The following KAT6B variants were observed in gnomAD, a reference collection of about 807,000 sequenced individuals.
The protein encoded by KAT6B is lysine acetyltransferase 6B.
A neutral mutation model predicts 187.5 loss-of-function variants in KAT6B; 10 were observed. The observed-to-expected ratio is 0.05, with a 90% CI of 0.03 to 0.09. The LOEUF (loss-of-function observed/expected upper bound fraction) is 0.09. Ranked by LOEUF, KAT6B falls within the 10% of genes least tolerant of loss-of-function variation. The pLI, the probability that KAT6B is intolerant of heterozygous loss-of-function variation, is 1.00. For synonymous variants in KAT6B, 861 were observed against 926.8 expected (o/e 0.93, Z 1.29); for missense variants, 1,952 against 2,558.9 (o/e 0.76, Z 5.12).
chr10:74,945,275 G>A (rs1316650330), intron 3 of KAT6B, among the ~76,000 whole-genome samples: 1 of 152,132 alleles, frequency 6.6e-6, no homozygotes, highest in African/African-American at 2.4e-5. Context: ...AAAAGAGTAC[G>A]GATTGTATGA....
At chr10:74,854,107 C>G (rs1842668345) in intron 3 of KAT6B, among the ~76,000 whole-genome samples, 1 of 152,208 alleles carries the variant, frequency 6.6e-6, no homozygotes, top group Non-Finnish European at 1.5e-5. Context: ...GTACTTTGAT[C>G]TCTCCAATCT....
intron 4 of KAT6B, among the ~76,000 whole-genome samples, chr10:74,963,704 A>G (rs1259369799): frequency 6.6e-6 from 1 of 152,226 alleles, no homozygotes; most frequent in Non-Finnish European, 1.5e-5. Flanking sequence ...AAAGACCACT[A>G]GTTTCTTAAG....
rs771539499 is a variant in KAT6B at position 74,975,745 on chromosome 10, C to A, written c.1408C>A (p.Gln470Lys). Residue 470 changes from glutamine to lysine, a missense_variant, in exon 8 of 18, where the codon CAG becomes AAG. Gln to Lys is a moderately conservative substitution (Grantham distance 53, BLOSUM62 1). Transcript: ENST00000287239. ...CTATCGTCCAAGGAAAAAGGTCTCT[C>A]AGAAACAGTCATGCACTTCTCATGT... Reference protein sequence around the residue: ...KHYRPRKKVSQKQSCTSHVLA... With the variant: ...KHYRPRKKVSKKQSCTSHVLA... The A allele has an allele frequency of 6.2e-7, 1 of 1,614,226 alleles. No individual in the cohort carries two copies.
chr10:74,934,134 C>T (rs533184235), intron 3 of KAT6B, among the ~76,000 whole-genome samples: 5 of 140,126 alleles, frequency 3.6e-5, no homozygotes, highest in Non-Finnish European at 7.5e-5. Flanking sequence ...TGCAGTGAGC[C>T]GAGATCGCAC....
intron 13 of KAT6B, among the ~76,000 whole-genome samples, chr10:74,990,196 CAAAAAAA>C (rs56300641): frequency 7.6e-5 from 3 of 39,418 alleles, no homozygotes; most frequent in Admixed American, 4.2e-4. Context: ...GACTCTGTCT[CAAAAAAA>C]AAAAAAAAAA....
At chr10:74,835,746 G>C (rs147032715) in intron 1 of KAT6B, among the ~76,000 whole-genome samples, 151 of 152,266 alleles carry the variant, frequency 9.9e-4, no homozygotes, top group African/African-American at 3.4e-3. Flanking sequence ...ACCACAGTAG[G>C]TGTCAGGAAA....
intron 3 of KAT6B, among the ~76,000 whole-genome samples, chr10:74,863,738 C>T (rs959920136): frequency 7.2e-5 from 11 of 152,216 alleles, no homozygotes; most frequent in African/African-American, 2.7e-4. Flanking sequence ...TGCTAAATAA[C>T]AGTGTTGTGG....
intron 3 of KAT6B, among the ~76,000 whole-genome samples, chr10:74,875,513 G>T (rs1462223893): frequency 2.8e-5 from 4 of 140,658 alleles, no homozygotes; most frequent in Admixed American, 1.5e-4. Flanking sequence ...GTCTTGCACT[G>T]TCACCCAGGC....
At chr10:75,014,743 T>A (rs1391107719) in intron 13 of KAT6B, among the ~76,000 whole-genome samples, 1 of 152,174 alleles carries the variant, frequency 6.6e-6, no homozygotes, top group African/African-American at 2.4e-5. Context: ...CAGAACTAGT[T>A]TGTCTGCACA....
At chr10:74,873,752 T>A (rs1407418875) in intron 3 of KAT6B, among the ~76,000 whole-genome samples, 2 of 152,194 alleles carry the variant, frequency 1.3e-5, no homozygotes, top group African/African-American at 4.8e-5. Flanking sequence ...GGTTGCAGAC[T>A]GAATTCCAAT....
chr10:74,849,699 A>G (rs1181485371), intron 3 of KAT6B, among the ~76,000 whole-genome samples: 2 of 152,244 alleles, frequency 1.3e-5, no homozygotes, highest in East Asian at 3.8e-4. Flanking sequence ...ACGTTTTGTA[A>G]GTGTTAAATG....
chr10:74,869,412 T>C (rs1843763365), intron 3 of KAT6B, among the ~76,000 whole-genome samples: 1 of 152,136 alleles, frequency 6.6e-6, no homozygotes, highest in Admixed American at 6.6e-5. Flanking sequence ...ATTCTCCTGC[T>C]TCAGCCTCCC....
chr10:74,944,996 C>T (rs1028012289), intron 3 of KAT6B, among the ~76,000 whole-genome samples: 4 of 152,002 alleles, frequency 2.6e-5, no homozygotes, highest in Non-Finnish European at 4.4e-5. Flanking sequence ...TACACTTAAC[C>T]GTATGCCTAG....
intron 13 of KAT6B, among the ~76,000 whole-genome samples, chr10:75,007,315 A>T (rs1844281624): frequency 6.6e-6 from 1 of 152,180 alleles, no homozygotes; most frequent in Non-Finnish European, 1.5e-5. Context: ...AAAGAGGAGC[A>T]TACTGAGCTG....
chr10:74,829,086 G>T (rs1840529282), intron 1 of KAT6B, among the ~76,000 whole-genome samples: 1 of 152,046 alleles, frequency 6.6e-6, no homozygotes. Context: ...GGGAATGGCT[G>T]ATGGTCATGA....
At chr10:75,016,958 G>A (rs1352316502) in intron 13 of KAT6B, among the ~76,000 whole-genome samples, 1 of 149,708 alleles carries the variant, frequency 6.7e-6, no homozygotes, top group African/African-American at 2.5e-5. Flanking sequence ...CTGCCTCCCG[G>A]ATTCAAGTGA....
At chr10:74,940,934 G>C (rs541854574) in intron 3 of KAT6B, among the ~76,000 whole-genome samples, 2 of 152,128 alleles carry the variant, frequency 1.3e-5, no homozygotes, top group Non-Finnish European at 2.9e-5. Flanking sequence ...CAAAGTTGGG[G>C]TACCATCAGA....
chr10:75,012,835 C>T (rs938108917), intron 13 of KAT6B, among the ~76,000 whole-genome samples: 5 of 152,152 alleles, frequency 3.3e-5, no homozygotes, highest in Non-Finnish European at 1.5e-5. Context: ...CACACGGCAT[C>T]GGGGAGTCAC....
Position 74,976,303 on chromosome 10 carries a change from G to A in KAT6B, c.1966G>A (p.Gly656Arg), listed in dbSNP as rs1842157788. Residue 656 changes from glycine to arginine, a missense_variant, in exon 8 of 18, where the codon GGA becomes AGA. Physicochemically the swap from Gly to Arg is moderately radical, Grantham distance 125. Transcript: ENST00000287239. Reference sequence around the variant, plus strand: ...ACCAGGGAAGGGGAGCTTGACAGACGGAAGGATTAAACCTGATCAGGATGA... The same window carrying A: ...ACCAGGGAAGGGGAGCTTGACAGACAGAAGGATTAAACCTGATCAGGATGA... Reference protein sequence around the residue: ...PSPGKGSLTDGRIKPDQDDDT... With the variant: ...PSPGKGSLTDRRIKPDQDDDT... The A allele has an allele frequency of 2.5e-6, 4 of 1,613,494 alleles. No individual in the cohort carries two copies. The highest frequency in any genetic ancestry group is 1.1e-5 in the South Asian group (1 of 91,070).
Sources: gnomAD v4.1 joint callset for allele counts (sites outside exome capture counted in the v4.1 genomes callset) on GRCh38, gnomAD v4.1.1 for gene constraint, MANE v1.5 for transcripts, NCBI Gene and HGNC (gene_info 2026-07-23, HGNC 2026-07-21) for gene names.